The following PRDM6 variants were observed in gnomAD, a reference collection of about 807,000 sequenced individuals.
PRDM6 encodes PR/SET domain 6.
Under a neutral mutation model 60.8 loss-of-function variants are expected in PRDM6, and 25 were observed. That is an observed-to-expected ratio of 0.41 (90% confidence interval 0.30 to 0.57). The LOEUF is 0.57. Among genes scored for constraint, PRDM6 ranks in the 20% least tolerant of loss-of-function variants. The pLI is 0.27. For missense variants in PRDM6, 839 were observed against 821.3 expected, an observed-to-expected ratio of 1.02 and a Z score of -0.26; for synonymous variants, 407 against 357.4, an observed-to-expected ratio of 1.14 and a Z score of -1.57.
At chr5:123,161,434 A>G (rs145547110) in intron 5 of PRDM6, among the ~76,000 whole-genome samples, 63 of 152,208 alleles carry the variant, frequency 4.1e-4, no homozygotes, top group Non-Finnish European at 8.2e-4. Flanking sequence ...GGGCTAATAA[A>G]GCAGAAAAGG....
At chr5:123,143,148 AGTGTGT>A (rs139092433) in intron 3 of PRDM6, among the ~76,000 whole-genome samples, 53 of 145,958 alleles carry the variant, frequency 3.6e-4, no homozygotes, top group East Asian at 7.9e-4. Flanking sequence ...TAGTTTTTAA[AGTGTGT>A]GTGTGTGTGT....
chr5:123,124,347 G>A (rs1764647932), intron 3 of PRDM6, among the ~76,000 whole-genome samples: 1 of 152,178 alleles, frequency 6.6e-6, no homozygotes, highest in African/African-American at 2.4e-5. Flanking sequence ...CCAAATTTCA[G>A]TTTACTTTTG....
intron 3 of PRDM6, among the ~76,000 whole-genome samples, chr5:123,101,538 A>G (rs1343141556): frequency 1.3e-5 from 2 of 152,246 alleles, no homozygotes; most frequent in African/African-American, 4.8e-5. Flanking sequence ...GAACTCTAAT[A>G]TCATATAGTT....
At chr5:123,093,901 G>A (rs1763899306) in intron 2 of PRDM6, among the ~76,000 whole-genome samples, 1 of 151,804 alleles carries the variant, frequency 6.6e-6, no homozygotes, top group Non-Finnish European at 1.5e-5. Flanking sequence ...TGGGAGGGAG[G>A]CGGGAACTGA....
chr5:123,090,500 C>A lies in PRDM6; in HGVS notation c.486C>A (p.Gly162=). Residue 162 remains glycine (G), a synonymous_variant, in exon 2 of 8, where the codon GGC becomes GGA. Transcript: ENST00000407847. ...GGGGGGGEGR[G]APRFRCSAEE... ...GCGGCGGCGGCGGGGAGGGTCGCGG[C>A]GCCCCGCGCTTCCGCTGCAGCGCAG... 6.7e-7 allele frequency: 1 copy of A among 1,489,006 alleles called. No homozygotes were observed. The highest frequency in any genetic ancestry group is 2.9e-5 in the East Asian group (1 of 34,252). The allele number at this position is 1,489,006 out of a possible 1,614,324, so 92.2% of individuals were successfully genotyped here. A position where few individuals can be genotyped will look rare whatever the true frequency, so the allele number is the denominator to read the frequency against.
At chr5:123,106,257 T>C (rs1285187004) in intron 3 of PRDM6, among the ~76,000 whole-genome samples, 1 of 152,032 alleles carries the variant, frequency 6.6e-6, no homozygotes, top group African/African-American at 2.4e-5. Context: ...AAGAGCATAG[T>C]GTGCAGCCTG....
At position 123,145,094 on chromosome 5, in the gene PRDM6, C is replaced by G. The variant is rs181331585; in HGVS notation, c.901-10790C>G. 3.5e-4 allele frequency among the ~76,000 whole-genome samples: 54 copies of G among 152,306 alleles called. No individual in the cohort carries two copies. In the East Asian group the frequency reaches 6.6e-3, roughly 19 times the overall value. ...TGCCCTCATTGAGGTTATATCCTTG[C>G]ATGCTTGTTTAATGCTGCCTTTTAA... On this transcript the variant is annotated intron_variant, in intron 3 of 7. Transcript: ENST00000407847.
chr5:123,189,004 C>G lies in PRDM6; in HGVS notation c.*1803C>G, dbSNP rs576097536. On this transcript the variant is annotated 3_prime_UTR_variant, in exon 8 of 8. Coordinates refer to ENST00000407847, the MANE Select transcript of PRDM6 (RefSeq NM_001136239.4). ...CTAATTCTGACCTCTGTTGCCCAAT[C>G]TCAAGCCATTCACCTAGAATTTTCC... is the stretch of plus-strand genomic sequence containing the variant. 1.6e-4 allele frequency: 25 copies of G among 152,322 alleles called. 1 individual carries two copies. The highest frequency in any genetic ancestry group is 5.8e-4 in the African/African-American group (24 of 41,572). 9.4% of individuals were successfully genotyped at this position (152,322 alleles called of 1,614,324 possible). A position where few individuals can be genotyped will look rare whatever the true frequency, so the allele number is the denominator to read the frequency against.
intron 7 of PRDM6, among the ~76,000 whole-genome samples, chr5:123,181,950 C>T (rs1356898243): frequency 1.3e-5 from 2 of 152,210 alleles, no homozygotes; most frequent in East Asian, 3.9e-4. Flanking sequence ...CTTAACTATT[C>T]TCCAACATAG....
intron 6 of PRDM6, 142 bp downstream of exon 6, chr5:123,171,250 G>T (rs1765884752): frequency 1.4e-6 from 1 of 704,198 alleles, no homozygotes; most frequent in Non-Finnish European, 2.3e-6. Context: ...AGAAATGCAA[G>T]ACCACTGCTT....
intron 3 of PRDM6, among the ~76,000 whole-genome samples, chr5:123,122,402 A>G (rs189644504): frequency 1.1e-4 from 16 of 152,172 alleles, no homozygotes; most frequent in East Asian, 3.9e-4. Flanking sequence ...TCCCTAGTTT[A>G]TTTATCTTGT....
At chr5:123,146,980 A>C (rs1561852682) in intron 3 of PRDM6, among the ~76,000 whole-genome samples, 1 of 152,208 alleles carries the variant, frequency 6.6e-6, no homozygotes, top group Non-Finnish European at 1.5e-5. Context: ...GATTAGTTAG[A>C]TATAAATGTT....
At chr5:123,153,970 G>A (rs1044554247) in intron 3 of PRDM6, among the ~76,000 whole-genome samples, 1 of 152,112 alleles carries the variant, frequency 6.6e-6, no homozygotes, top group Non-Finnish European at 1.5e-5. Context: ...GTAGGGGGCT[G>A]GGTCATCAAC....
chr5:123,118,688 A>G (rs1764511269), intron 3 of PRDM6, among the ~76,000 whole-genome samples: 1 of 152,212 alleles, frequency 6.6e-6, no homozygotes, highest in Admixed American at 6.5e-5. Flanking sequence ...GAGTGTTGTA[A>G]TGTCTTACAT....
rs375684205 is a variant in PRDM6, at chr5:123,090,464, C to T, written c.450C>T (p.Cys150=). The change falls in exon 2 of 8, where the codon TGC becomes TGT. Residue 150 remains cysteine, a synonymous_variant. Coordinates refer to ENST00000407847, the MANE Select transcript of PRDM6 (RefSeq NM_001136239.4). ...GATSGPGPVK[C]GGGGGGGGEG... ...CCTCCGGCCCCGGGCCCGTCAAGTG[C>T]GGTGGTGGTGGCGGCGGCGGCGGGG... The T allele has an allele frequency of 2.1e-5, 31 of 1,479,788 alleles. No individual in the cohort carries two copies. Among genetic ancestry groups the T allele is most frequent in the Non-Finnish European group, 2.0e-5 (22 of 1,123,766 alleles). The allele number at this position is 1,479,788 out of a possible 1,614,324, so 91.7% of individuals were successfully genotyped here.
intron 5 of PRDM6, among the ~76,000 whole-genome samples, chr5:123,161,218 A>G (rs1430889033): frequency 1.3e-5 from 2 of 152,226 alleles, no homozygotes; most frequent in African/African-American, 4.8e-5. Flanking sequence ...ACAACATATC[A>G]AGGCCAAACA....
At position 123,099,101 on chromosome 5, in the gene PRDM6, T is replaced by TGTC. The variant is rs1387061433; in HGVS notation, c.593-551_593-550insCGT. On this transcript the variant is annotated intron_variant, in intron 2 of 7. Transcript: ENST00000407847. The surrounding 1 kb of genome is among the most constrained non-coding windows in gnomAD (Gnocchi z 4.0). ...CGTCTGGTGATTTTAAATCGTCTCCTGTGTAATTGTAAAAAGAGGAAAGCT... is the reference window on the plus strand; with the variant it reads ...CGTCTGGTGATTTTAAATCGTCTCCTGTCGTGTAATTGTAAAAAGAGGAAAGCT... Among the ~76,000 whole-genome samples, 1 of 152,196 alleles carries TGTC rather than the reference T, an allele frequency of 6.6e-6. No homozygotes were observed. The highest frequency in any genetic ancestry group is 1.5e-5 in the Non-Finnish European group (1 of 68,042).
chr5:123,158,710 A>G (rs143208894), intron 4 of PRDM6, among the ~76,000 whole-genome samples: 438 of 152,306 alleles, frequency 2.9e-3, no homozygotes, highest in Admixed American at 4.2e-3. Flanking sequence ...CCAATTCCTT[A>G]CAGAAAGGAG....
rs1766345518 is a variant in PRDM6 at position 123,188,903 on chromosome 5, T to A, written c.*1702T>A. On this transcript the variant is annotated 3_prime_UTR_variant, in exon 8 of 8. Transcript: ENST00000407847. Reference sequence around the variant, plus strand: ...TCTAATTAATAAGTGTTTACAGTTATTATTTATATACGTATATATACATAT... The same window carrying A: ...TCTAATTAATAAGTGTTTACAGTTAATATTTATATACGTATATATACATAT... 1 of 152,206 alleles carries A rather than the reference T, an allele frequency of 6.6e-6. No homozygotes were observed. The highest frequency in any genetic ancestry group is 1.5e-5 in the Non-Finnish European group (1 of 68,034). 9.4% of individuals were successfully genotyped at this position (152,206 alleles called of 1,614,324 possible).
Sources: gnomAD v4.1 joint callset for allele counts (sites outside exome capture counted in the v4.1 genomes callset) on GRCh38, gnomAD v4.1.1 for gene constraint, Gnocchi (gnomAD v3.1) non-coding constraint, MANE v1.5 for transcripts, NCBI Gene and HGNC (gene_info 2026-07-23, HGNC 2026-07-21) for gene names.